The following ROBO4 variants were observed in gnomAD, a reference collection of about 807,000 sequenced individuals.
The protein encoded by ROBO4 is roundabout homolog 4.
In ROBO4, 80 loss-of-function variants were observed where a neutral mutation model predicts 103.3. The ratio of observed to expected loss-of-function variants is 0.77; its 90% CI spans 0.65 to 0.93. The LOEUF (loss-of-function observed/expected upper bound fraction) is 0.93, where lower values mean the gene tolerates loss of function less well. Ranked by LOEUF, ROBO4 falls within the 40% of genes least tolerant of loss-of-function variation. The pLI is 0.00. For synonymous variants in ROBO4, 504 were observed against 529.7 expected (o/e 0.95, Z 0.67); for missense variants, 1,333 against 1,305.3 (o/e 1.02, Z -0.33).
intron 7 of ROBO4, 130 bp downstream of exon 7, chr11:124,894,951 C>A (rs1946858927): frequency 1.4e-6 from 1 of 723,096 alleles, no homozygotes; most frequent in Non-Finnish European, 2.4e-6. Flanking sequence ...CCTTGCTCAG[C>A]AAAAGCAGGT....
At position 124,885,091 on chromosome 11, in the gene ROBO4, TGA is replaced by T; in HGVS notation, c.2949_2950del (p.Gln984AspfsTer76). ...GAGCTGACTTCTCTGGGAAGAGATC[TGA>T]GAGTCAGGGGGCCAGGGAGGCATCC... On this transcript the variant is annotated frameshift_variant, in exon 17 of 18. Coordinates refer to ENST00000306534, the MANE Select transcript of ROBO4 (RefSeq NM_019055.6). LOFTEE classifies it high-confidence loss of function. The T allele has an allele frequency of 6.2e-7, 1 of 1,614,150 alleles. No individual in the cohort carries two copies. Among genetic ancestry groups the T allele is most frequent in the East Asian group, 2.2e-5 (1 of 44,882 alleles).
Position 124,886,526 on chromosome 11 carries a change from G to T in ROBO4, c.2732C>A (p.Ala911Glu). 1.9e-6 allele frequency: 3 copies of T among 1,614,242 alleles called. No homozygotes were observed. The highest frequency in any genetic ancestry group is 2.5e-6 in the Non-Finnish European group (3 of 1,180,044). Residue 911 changes from alanine to glutamate, a missense_variant, in exon 16 of 18, where the codon GCA becomes GAA. Coordinates refer to ENST00000306534, the MANE Select transcript of ROBO4 (RefSeq NM_019055.6). ...GAAACCAAAGCTATCCACAGCCACT[G>T]CCAGGGCCCGGGCAAAGTGAGCATC... ...LADAHFARALAVAVDSFGFGL... is the reference protein window; with the variant it reads ...LADAHFARALEVAVDSFGFGL...
chr11:124,891,543 T>C lies in ROBO4; in HGVS notation c.1704A>G (p.Arg568=), dbSNP rs1272556045. 3.7e-6 allele frequency: 6 copies of C among 1,614,152 alleles called. No homozygotes were observed. Among genetic ancestry groups the C allele is most frequent in the Non-Finnish European group, 8.5e-7 (1 of 1,180,018 alleles). ...CTGGAAGCAGGGGCACGCCGGGGCT[T>C]CGGGAGTCCCAGGAGAGCACTGTGA... The part of the protein sequence containing the change: ...CRRSLLSWDS[R]SPGVPLLPDT... The change falls in exon 12 of 18, where the codon CGA becomes CGG. Residue 568 remains arginine, a synonymous_variant. Transcript: ENST00000306534.
intron 4 of ROBO4, 123 bp downstream of exon 4, chr11:124,896,075 T>C: frequency 6.6e-7 from 1 of 1,522,866 alleles, no homozygotes; most frequent in South Asian, 1.2e-5. Context: ...AACCTCCCGC[T>C]ACGTGAGACC....
In ROBO4 at chr11:124,887,207, C is replaced by A. The variant is rs757172728; in HGVS notation, c.2205G>T (p.Pro735=). 1.3e-6 allele frequency: 2 copies of A among 1,591,102 alleles called. No individual in the cohort carries two copies. The highest frequency in any genetic ancestry group is 2.7e-5 in the African/African-American group (2 of 74,374). ...PPTQSQQTQP[P]VAPQAPSSIL... is the part of the protein sequence containing the mutation. Reference sequence around the variant, plus strand: ...TGGAGGAGGGAGCCTGTGGTGCCACCGGAGGCCTGATTTGCGGGAGAGAGT... The same window carrying A: ...TGGAGGAGGGAGCCTGTGGTGCCACAGGAGGCCTGATTTGCGGGAGAGAGT... The change falls in exon 15 of 18, where the codon CCG becomes CCT. Residue 735 remains proline, a synonymous_variant. Transcript: ENST00000306534.
rs765935380 is a variant in ROBO4 at position 124,896,906 on chromosome 11, C to A, written c.400+26G>T. 12 of 1,601,608 alleles carry A rather than the reference C, an allele frequency of 7.5e-6. No homozygotes were observed. The East Asian group carries it at 2.5e-4, about 33-fold the overall frequency. ...ATGTCTCCACCCAGGTTTGCCCCAC[C>A]CTGAAGCTCCCCTCCCAGGCCTCAC... On this transcript the variant is annotated intron_variant, in intron 2 of 17. Transcript: ENST00000306534.
In ROBO4 at chr11:124,885,216, C is replaced by T. The variant is rs1202128963; in HGVS notation, c.2826G>A (p.Glu942=). Residue 942 remains glutamate (E), a synonymous_variant, in exon 17 of 18, where the codon GAG becomes GAA. Transcript: ENST00000306534. The part of the protein sequence containing the change: ...DASSPPSPRD[E]IFLTPNLSLP... ...GGGAGAGGTTGGGGGTCAGGAAGAT[C>T]TCATCCCGTGGGGAGGGAGGTGATG... is the stretch of plus-strand genomic sequence containing the variant. The T allele has an allele frequency of 1.2e-6, 2 of 1,613,244 alleles. No homozygotes were observed. Among genetic ancestry groups the T allele is most frequent in the Non-Finnish European group, 1.7e-6 (2 of 1,180,024 alleles).
Position 124,895,807 on chromosome 11 carries a change from G to T in ROBO4, c.785C>A (p.Pro262Gln). 3 of 1,614,138 alleles carry T rather than the reference G, an allele frequency of 1.9e-6. No individual in the cohort carries two copies. Among genetic ancestry groups the T allele is most frequent in the Middle Eastern group, 3.3e-4 (2 of 6,062 alleles). ...CACCTTCCAGCTGAGCCACACCGCC[G>T]GTCTAGGCTTGGGGCCCTCTGCAGG... ...PDPAEGPKPRPAVWLSWKVSG... is the reference protein window; with the variant it reads ...PDPAEGPKPRQAVWLSWKVSG... The change falls in exon 5 of 18, where the codon CCG (proline) becomes CAG (glutamine). Residue 262 changes from proline to glutamine, a missense_variant. By Grantham distance (76) the Pro-to-Gln change is moderately conservative. Coordinates refer to ENST00000306534, the MANE Select transcript of ROBO4 (RefSeq NM_019055.6).
chr11:124,885,476 A>G (rs1946697314), intron 16 of ROBO4, among the ~76,000 whole-genome samples: 1 of 152,022 alleles, frequency 6.6e-6, no homozygotes, highest in South Asian at 2.1e-4. Context: ...CTGGCCTTCT[A>G]TCTGCACTGT....
chr11:124,893,774 C>T (rs1348596301), intron 9 of ROBO4, 44 bp from the exon 10 acceptor site: 1 of 1,611,368 alleles, frequency 6.2e-7, no homozygotes, highest in Admixed American at 1.7e-5. Flanking sequence ...GGCTGGATCA[C>T]CTGGTCAGAG....
intron 2 of ROBO4, 101 bp from the exon 3 acceptor site, chr11:124,896,771 C>T (rs540389768): frequency 6.6e-7 from 1 of 1,515,072 alleles, no homozygotes; most frequent in South Asian, 1.3e-5. Flanking sequence ...CCTGGCCTCC[C>T]ATTTAGGGCC....
intron 16 of ROBO4, among the ~76,000 whole-genome samples, chr11:124,885,610 A>T (rs1342746197): frequency 1.3e-5 from 2 of 149,884 alleles, no homozygotes; most frequent in East Asian, 2.0e-4. Context: ...GGCAAAGGAT[A>T]GAGTTAAGGT....
In ROBO4 at chr11:124,897,166, A is replaced by C. The variant is rs1176957899; in HGVS notation, c.166T>G (p.Ser56Ala). ...CGGATGGTGGGAGGTGGCTGGCCTG[A>C]GGCTTGGCAGCTCATCCTGGCAGGG... The part of the protein sequence containing the change: ...PGPARMSCQA[S>A]GQPPPTIRWL... Residue 56 changes from serine (S) to alanine (A), a missense_variant, in exon 2 of 18, where the codon TCA becomes GCA. Coordinates refer to ENST00000306534, the MANE Select transcript of ROBO4 (RefSeq NM_019055.6). 3.2e-6 allele frequency: 5 copies of C among 1,545,586 alleles called. No homozygotes were observed. The highest frequency in any genetic ancestry group is 4.4e-6 in the Non-Finnish European group (5 of 1,144,992).
At chr11:124,891,228 T>G in intron 12 of ROBO4, 71 bp downstream of exon 12, 1 of 1,490,984 alleles carries the variant, frequency 6.7e-7, no homozygotes, top group Non-Finnish European at 8.9e-7. Flanking sequence ...TGAGGCCTTG[T>G]TCCCATCACA....
chr11:124,894,960 G>T (rs1219083639), intron 7 of ROBO4, 121 bp downstream of exon 7: 2 of 763,598 alleles, frequency 2.6e-6, no homozygotes, highest in South Asian at 3.4e-5. Context: ...GCAAAAGCAG[G>T]TTTCCTTTGC....
At position 124,897,733 on chromosome 11, in the gene ROBO4, G is replaced by A. The variant is rs146349315; in HGVS notation, c.63C>T (p.Leu21=). 4 of 1,613,902 alleles carry A rather than the reference G, an allele frequency of 2.5e-6. No homozygotes were observed. The highest frequency in any genetic ancestry group is 2.2e-5 in the East Asian group (1 of 44,876). ...GRGSLPLLLL[L]IMGGMAQDSP... ...AGAGGGAGAGCAACTCACCCATGAT[G>A]AGCAGGAGCAGCAGAGGCAGGGAAC... The change falls in exon 1 of 18, where the codon CTC becomes CTT. Residue 21 remains leucine (L), a synonymous_variant. Coordinates refer to ENST00000306534, the MANE Select transcript of ROBO4 (RefSeq NM_019055.6).
chr11:124,891,450 G>C lies in ROBO4; in HGVS notation c.1797C>G (p.Pro599=). 1 of 1,605,378 alleles carries C rather than the reference G, an allele frequency of 6.2e-7. No homozygotes were observed. Among genetic ancestry groups the C allele is most frequent in the Non-Finnish European group, 8.5e-7 (1 of 1,174,998 alleles). ...GGAGGCGCCTGACAGCTGGGACCTG[G>C]GGACTTGGCCTGGCTGGGGTACTGG... ...LPSSTPARPS[P]QVPAVRRLPP... The change falls in exon 12 of 18, where the codon CCC becomes CCG. Residue 599 remains proline, a synonymous_variant. Transcript: ENST00000306534.
Position 124,887,019 on chromosome 11 carries a change from AC to A in ROBO4, c.2392del (p.Val798Ter). The A allele has an allele frequency of 6.2e-7, 1 of 1,613,716 alleles. No homozygotes were observed. ...DQDSVLTPEEVALCLELSEGE... is the reference protein window; with the variant it reads ...DQDSVLTPEEXALCLELSEGE... The stretch of plus-strand genomic sequence containing the variant: ...CTCACTGAGTTCCAAGCACAGGGCT[AC>A]CTCCTCAGGGGTCAGCACGCTGTCT... On this transcript the variant is annotated frameshift_variant, in exon 15 of 18. Coordinates refer to ENST00000306534, the MANE Select transcript of ROBO4 (RefSeq NM_019055.6). LOFTEE classifies it high-confidence loss of function.
rs753940248 is a variant in ROBO4, at chr11:124,886,570, G to A, written c.2688C>T (p.Ser896=). The A allele has an allele frequency of 2.3e-5, 37 of 1,614,110 alleles. No individual in the cohort carries two copies. The highest frequency in any genetic ancestry group is 5.5e-5 in the South Asian group (5 of 91,082). The part of the protein sequence containing the change: ...ASARASLVSS[S]DGSFLADAHF... Reference sequence around the variant, plus strand: ...GAGCATCAGCGAGGAAGGAGCCATCGGAGGAGCTGACAAGGCTGGCTCTGG... The same window carrying A: ...GAGCATCAGCGAGGAAGGAGCCATCAGAGGAGCTGACAAGGCTGGCTCTGG... Residue 896 remains serine, a synonymous_variant, in exon 16 of 18, where the codon TCC becomes TCT. Coordinates refer to ENST00000306534, the MANE Select transcript of ROBO4 (RefSeq NM_019055.6).
Sources: gnomAD v4.1 joint callset for allele counts (sites outside exome capture counted in the v4.1 genomes callset) on GRCh38, gnomAD v4.1.1 for gene constraint, MANE v1.5 for transcripts, NCBI Gene and HGNC (gene_info 2026-07-23, HGNC 2026-07-21) for gene names.